ZFP64: variants seen among roughly 807,000 people sequenced by gnomAD.
ZFP64 encodes the protein ZFP64 zinc finger protein, also known as zinc finger protein 64.
In ZFP64, 14 loss-of-function variants were observed where a neutral mutation model predicts 51.6. The observed-to-expected ratio is 0.27, with a 90% CI of 0.18 to 0.42. The LOEUF (loss-of-function observed/expected upper bound fraction) is 0.42. ZFP64 is among the 10% of genes least tolerant of loss of function. The pLI is 1.00. For synonymous variants in ZFP64, 375 were observed against 361.4 expected (o/e 1.04, Z -0.43); for missense variants, 754 against 906.8 (o/e 0.83, Z 2.16).
chr20:52,150,616 T>C (rs1031388366), downstream of ZFP64, among the ~76,000 whole-genome samples: 2 of 152,180 alleles, frequency 1.3e-5, no homozygotes, highest in African/African-American at 4.8e-5. Context: ...ATGGCAAATA[T>C]AGCAAGTCAT....
intron 5 of ZFP64, chr20:52,110,367 CCTT>C (rs1432023614): frequency 1.9e-6 from 1 of 529,680 alleles, no homozygotes; most frequent in East Asian, 3.0e-5. Context: ...TTCTCAGCCC[CCTT>C]CTTCTGGAAG....
At position 52,160,162 on chromosome 20, in the gene ZFP64, T is replaced by C. The variant is rs1256343875; in HGVS notation, c.724A>G (p.Asn242Asp). 2.5e-6 allele frequency: 4 copies of C among 1,614,142 alleles called. No individual in the cohort carries two copies. Among genetic ancestry groups the C allele is most frequent in the Non-Finnish European group, 3.4e-6 (4 of 1,180,034 alleles). The change falls in exon 5 of 6, where the codon AAC becomes GAC. Residue 242 changes from asparagine (N) to aspartate (D), a missense_variant. By Grantham distance (23) the Asn-to-Asp change is conservative (BLOSUM62 1). This residue lies in a region of ZFP64 where 231 missense variants were observed against 336.7 expected (regional missense o/e 0.69). Coordinates refer to ENST00000216923, the MANE Select transcript of ZFP64 (RefSeq NM_018197.3). This position sits in a 1 kb window ranked among gnomAD's most constrained non-coding sequence, Gnocchi z 4.2. ...AGGTGGACAGTGAGCTGGCTGGAGT[T>C]GCGGCTGGCGTAGGGGCAGATCTGG... ...KCQICPYASRNSSQLTVHLRS... is the reference protein window; with the variant it reads ...KCQICPYASRDSSQLTVHLRS...
At chr20:52,100,101 C>G (rs1224724294) in intron 5 of ZFP64, among the ~76,000 whole-genome samples, 1 of 152,216 alleles carries the variant, frequency 6.6e-6, no homozygotes, top group Non-Finnish European at 1.5e-5. Flanking sequence ...TCACGCCATT[C>G]TCCTGCTTCA....
In ZFP64 at chr20:52,160,293, G is replaced by A. The variant is rs745595670; in HGVS notation, c.593C>T (p.Thr198Met). The A allele has an allele frequency of 6.2e-6, 10 of 1,614,110 alleles. No homozygotes were observed. In the African/African-American group the frequency reaches 6.7e-5, roughly 11 times the overall value. The change falls in exon 5 of 6, where the codon ACG becomes ATG. Residue 198 changes from threonine to methionine, a missense_variant. Thr to Met is a moderately conservative substitution (Grantham distance 81). Coordinates refer to ENST00000216923, the MANE Select transcript of ZFP64 (RefSeq NM_018197.3). The surrounding 1 kb of genome is among the most constrained non-coding windows in gnomAD (Gnocchi z 4.2). ...DKLKTHMRCH[T>M]GVKPYKCKTC... ...CTTACACTTGTAGGGCTTCACGCCC[G>A]TGTGGCACCGCATGTGAGTTTTCAG... is the stretch of plus-strand genomic sequence containing the variant.
chr20:52,101,587 T>G (rs1367448450), intron 5 of ZFP64, among the ~76,000 whole-genome samples: 2,182 of 152,170 alleles, frequency 0.014, 51 homozygotes, highest in African/African-American at 0.05. Flanking sequence ...AGTTTTGTTT[T>G]TATAGAGACA....
intron 5 of ZFP64, among the ~76,000 whole-genome samples, chr20:52,116,936 G>A (rs775432794): frequency 2.6e-5 from 4 of 152,064 alleles, no homozygotes; most frequent in Non-Finnish European, 5.9e-5. Flanking sequence ...TGGGCATGGT[G>A]GTGCAGGCTG....
intron 7 of ZFP64, among the ~76,000 whole-genome samples, chr20:52,091,754 AAGGCAGGCAGAT>A (rs1429789704): frequency 6.6e-6 from 1 of 151,660 alleles, no homozygotes; most frequent in African/African-American, 2.4e-5. Flanking sequence ...TTGGGAAGCC[AAGGCAGGCAGAT>A]CACCTGAGCT....
chr20:52,172,240 C>T (rs1289309963), intron 2 of ZFP64, among the ~76,000 whole-genome samples: 1 of 151,134 alleles, frequency 6.6e-6, no homozygotes, highest in African/African-American at 2.4e-5. Flanking sequence ...TGTGTGTGTA[C>T]AGTCAGATTG....
intron 7 of ZFP64, chr20:52,096,748 G>A (rs960566765): frequency 4.8e-5 from 9 of 188,542 alleles, no homozygotes; most frequent in African/African-American, 1.6e-4. Context: ...AATTAGCTGG[G>A]CAAGGTGGCA....
Position 52,152,905 on chromosome 20 carries a change from T to C in ZFP64, c.1287A>G (p.Ile429Met). 6.2e-7 allele frequency: 1 copy of C among 1,614,006 alleles called. No individual in the cohort carries two copies. Among genetic ancestry groups the C allele is most frequent in the Non-Finnish European group, 8.5e-7 (1 of 1,180,028 alleles). Reference protein sequence around the residue: ...LDAKKSFHCDICDASFMREDS... With the variant: ...LDAKKSFHCDMCDASFMREDS... ...CCTCCCGCATGAAGGAGGCATCGCA[T>C]ATATCGCAGTGGAAACTCTTCTTGG... is the stretch of plus-strand genomic sequence containing the variant. The change falls in exon 6 of 6, where the codon ATA becomes ATG. Residue 429 changes from isoleucine to methionine, a missense_variant. By Grantham distance (10) the Ile-to-Met change is conservative. Coordinates refer to ENST00000216923, the MANE Select transcript of ZFP64 (RefSeq NM_018197.3).
intron 5 of ZFP64, among the ~76,000 whole-genome samples, chr20:52,137,923 C>A (rs952416962): frequency 6.6e-6 from 1 of 152,130 alleles, no homozygotes; most frequent in East Asian, 1.9e-4. Context: ...TGCCTCTAAT[C>A]CCAGCACTCT....
intron 6 of ZFP64, chr20:52,098,300 C>G (rs900313698): frequency 1.7e-5 from 20 of 1,208,288 alleles, no homozygotes; most frequent in Non-Finnish European, 2.3e-5. Flanking sequence ...CCAGGGAAGG[C>G]TGTTGTGTGC....
chr20:52,097,937 G>A (rs1167605296), intron 6 of ZFP64, among the ~76,000 whole-genome samples: 4 of 151,950 alleles, frequency 2.6e-5, no homozygotes, highest in Admixed American at 1.3e-4. Flanking sequence ...ACATGGTGGT[G>A]CATGCCTGTA....
At chr20:52,121,880 G>A (rs1413612796) in intron 5 of ZFP64, among the ~76,000 whole-genome samples, 1 of 152,182 alleles carries the variant, frequency 6.6e-6, no homozygotes. Context: ...GTGACTTGAA[G>A]TTGAAGCCAG....
rs761296899 is a variant in ZFP64, at chr20:52,105,174, G to A, written c.764-6587C>T. 33 of 1,439,788 alleles carry A rather than the reference G, an allele frequency of 2.3e-5. No homozygotes were observed. The South Asian group carries it at 4.8e-4, about 21-fold the overall frequency. 89.2% of individuals were successfully genotyped at this position (1,439,788 alleles called of 1,614,324 possible). A position where few individuals can be genotyped will look rare whatever the true frequency, so the allele number is the denominator to read the frequency against. On this transcript the variant is annotated intron_variant, in intron 5 of 8. Coordinates refer to the ZFP64 transcript ENST00000361387. ...TGCGGGGCCACCTCCGCACACTCCC[G>A]GCGCGCAGGCCGCGGCTCCTCGGAG...
At chr20:52,126,005 A>G (rs1312150909) in intron 5 of ZFP64, among the ~76,000 whole-genome samples, 2 of 151,662 alleles carry the variant, frequency 1.3e-5, no homozygotes, top group Non-Finnish European at 2.9e-5. Context: ...TGTTCAAGTG[A>G]TTCTCCTGTG....
chr20:52,109,327 C>G (rs1387284853), intron 5 of ZFP64, among the ~76,000 whole-genome samples: 1 of 152,036 alleles, frequency 6.6e-6, no homozygotes, highest in African/African-American at 2.4e-5. Flanking sequence ...CCATGCCTGG[C>G]TAATTTTTGT....
chr20:52,136,653 A>G (rs1979997698), intron 5 of ZFP64, among the ~76,000 whole-genome samples: 1 of 152,226 alleles, frequency 6.6e-6, no homozygotes, highest in Admixed American at 6.5e-5. Flanking sequence ...TAAGCTAACT[A>G]AAAACCAGGC....
intron 2 of ZFP64, among the ~76,000 whole-genome samples, chr20:52,185,769 C>T (rs147762940): frequency 0.031 from 4,654 of 151,816 alleles, 100 homozygotes; most frequent in Middle Eastern, 0.065. Context: ...TTAGTAGAGA[C>T]AGGGTTTTAC....
Sources: gnomAD v4.1 joint callset for allele counts (sites outside exome capture counted in the v4.1 genomes callset) on GRCh38, gnomAD v4.1.1 for gene constraint, gnomAD v4.1.1 regional missense constraint, Gnocchi (gnomAD v3.1) non-coding constraint, MANE v1.5 for transcripts, NCBI Gene and HGNC (gene_info 2026-07-23, HGNC 2026-07-21) for gene names.